Variants in COBL observed in about 807,000 individuals in gnomAD.
COBL encodes cordon-bleu WH2 repeat protein.
A neutral mutation model predicts 98.8 loss-of-function variants in COBL; 51 were observed. The observed-to-expected ratio is 0.52, with a 90% CI of 0.41 to 0.65. COBL has a LOEUF of 0.65. COBL is among the 30% of genes least tolerant of loss of function. COBL has a pLI of 0.00. For synonymous variants in COBL, 634 were observed against 651.7 expected, an observed-to-expected ratio of 0.97 and a Z score of 0.41; for missense variants, 1,617 against 1,617.5, an observed-to-expected ratio of 1.00 and a Z score of 0.01.
At chr7:51,279,141 G>C (rs1375119190) in intron 1 of COBL, among the ~76,000 whole-genome samples, 1 of 152,220 alleles carries the variant, frequency 6.6e-6, no homozygotes, top group African/African-American at 2.4e-5. Flanking sequence ...GAGGCTGCCT[G>C]ACAAATGTAT....
Position 51,183,295 on chromosome 7 carries a change from C to T in COBL, c.783+807G>A, listed in dbSNP as rs1440760500. On this transcript the variant is annotated intron_variant, in intron 5 of 12. Coordinates refer to ENST00000265136, the MANE Select transcript of COBL (RefSeq NM_015198.5). ...CAAACTGAGCTAGTGGAATTAAAAC[C>T]TAACATTCACTGGAACAGTTTTGTC... is the stretch of plus-strand genomic sequence containing the variant. Among the ~76,000 whole-genome samples the T allele has an allele frequency of 3.3e-5, 5 of 152,142 alleles. No individual in the cohort carries two copies. The South Asian group carries it at 6.2e-4, about 19-fold the overall frequency.
At chr7:51,146,563 G>A (rs775791344) in intron 5 of COBL, among the ~76,000 whole-genome samples, 10 of 149,784 alleles carry the variant, frequency 6.7e-5, no homozygotes, top group South Asian at 4.2e-4. Flanking sequence ...GCCCCACTCC[G>A]TTCTCCCATT....
At chr7:51,201,167 G>A (rs886879205) in intron 2 of COBL, among the ~76,000 whole-genome samples, 3 of 150,596 alleles carry the variant, frequency 2.0e-5, no homozygotes, top group Non-Finnish European at 4.4e-5. Context: ...TTGAACCCAG[G>A]AGACAGAGAT....
chr7:51,308,907 G>A (rs1032402358), intron 1 of COBL, among the ~76,000 whole-genome samples: 6 of 152,212 alleles, frequency 3.9e-5, no homozygotes, highest in African/African-American at 7.2e-5. Context: ...CAGTCTAAAC[G>A]TCACTTCCTC....
rs191887916 is a variant in COBL at position 51,300,366 on chromosome 7, G to T, written c.41+16227C>A. Among the ~76,000 whole-genome samples the T allele has an allele frequency of 2.2e-4, 33 of 152,192 alleles. 1 individual carries two copies. Among genetic ancestry groups the T allele is most frequent in the African/African-American group, 7.0e-4 (29 of 41,528 alleles). On this transcript the variant is annotated intron_variant, in intron 1 of 12. Transcript: ENST00000265136. ...AGTAGCGATGGGGTTTCACCATGTT[G>T]GCCAGGCTGGTCTCAAACTCCTGAC...
rs568433366 is a variant in COBL at position 51,146,578 on chromosome 7, T to C, written c.784-10247A>G. 8.8e-5 allele frequency among the ~76,000 whole-genome samples: 13 copies of C among 147,302 alleles called. 1 individual carries two copies. Among genetic ancestry groups the C allele is most frequent in the Non-Finnish European group, 3.0e-5 (2 of 67,548 alleles). ...GCCCCACTCCGTTCTCCCATTAAGA[T>C]ATTATCTCTTGTTGGAAATAAAAAG... On this transcript the variant is annotated intron_variant, in intron 5 of 12. Transcript: ENST00000265136.
rs746965445 is a variant in COBL, at chr7:51,028,004, G to T, written c.3092C>A (p.Ala1031Asp). 9 of 1,603,040 alleles carry T rather than the reference G, an allele frequency of 5.6e-6. No homozygotes were observed. The highest frequency in any genetic ancestry group is 5.1e-5 in the Admixed American group (3 of 59,360). The change falls in exon 10 of 13, where the codon GCC (alanine) becomes GAC (aspartate). Residue 1031 changes from alanine to aspartate, a missense_variant. Ala to Asp is a moderately radical substitution (Grantham distance 126). This residue lies in a region of COBL where 1,304 missense variants were observed against 1,282.0 expected (regional missense o/e 1.02). Coordinates refer to ENST00000265136, the MANE Select transcript of COBL (RefSeq NM_015198.5). ...PPPPHTSDTQ[A>D]CSRELVNGSV... The stretch of plus-strand genomic sequence containing the variant: ...GCCATTGACCAGCTCCCTGCTGCAG[G>T]CCTGAGTGTCAGATGTGTGTGGAGG...
chr7:51,241,119 T>C (rs1297758561), intron 1 of COBL, among the ~76,000 whole-genome samples: 1 of 152,086 alleles, frequency 6.6e-6, no homozygotes, highest in Non-Finnish European at 1.5e-5. Flanking sequence ...CAAACACGAG[T>C]GGGCACAGCA....
intron 1 of COBL, among the ~76,000 whole-genome samples, chr7:51,309,087 T>C (rs1190569082): frequency 6.6e-6 from 1 of 152,130 alleles, no homozygotes; most frequent in Non-Finnish European, 1.5e-5. Context: ...ATCTGCACAC[T>C]TTAACACCTA....
chr7:51,067,568 C>G (rs1369924954), intron 7 of COBL, among the ~76,000 whole-genome samples: 1 of 152,160 alleles, frequency 6.6e-6, no homozygotes, highest in East Asian at 1.9e-4. Context: ...ACACACACAT[C>G]CCTTTTTAGA....
chr7:51,265,306 G>A (rs973287661), intron 1 of COBL, among the ~76,000 whole-genome samples: 1 of 152,184 alleles, frequency 6.6e-6, no homozygotes, highest in African/African-American at 2.4e-5. Flanking sequence ...CTGTGGAGAG[G>A]GGAGAACCAG....
chr7:51,138,218 C>T (rs1028957376), intron 5 of COBL, among the ~76,000 whole-genome samples: 1 of 152,196 alleles, frequency 6.6e-6, no homozygotes, highest in African/African-American at 2.4e-5. Flanking sequence ...ACCCAGAACA[C>T]TCGTCAATGC....
intron 6 of COBL, among the ~76,000 whole-genome samples, chr7:51,102,551 C>T (rs1795899526): frequency 6.6e-6 from 1 of 152,142 alleles, no homozygotes; most frequent in Non-Finnish European, 1.5e-5. Flanking sequence ...GTGTGTTTAT[C>T]TTCCATGTCC....
intron 6 of COBL, among the ~76,000 whole-genome samples, chr7:51,128,942 A>C (rs4948194): frequency 6.6e-6 from 1 of 152,042 alleles, no homozygotes; most frequent in Non-Finnish European, 1.5e-5. Flanking sequence ...GGGAAATAAG[A>C]TCGTTCTCTA....
At position 51,105,668 on chromosome 7, in the gene COBL, T is replaced by C. The variant is rs144708369; in HGVS notation, c.958-20364A>G. On this transcript the variant is annotated intron_variant, in intron 6 of 12. Transcript: ENST00000265136. Reference sequence around the variant, plus strand: ...CAGGAGGCTGAGGCAGGAGGATTGATTGAGCCCAGTAGTTCGAGGCTGCAG... The same window carrying C: ...CAGGAGGCTGAGGCAGGAGGATTGACTGAGCCCAGTAGTTCGAGGCTGCAG... 1.2e-4 allele frequency among the ~76,000 whole-genome samples: 18 copies of C among 152,070 alleles called. 1 individual carries two copies. In the East Asian group the frequency reaches 3.1e-3, roughly 26 times the overall value.
At chr7:51,249,070 AC>A (rs746460054) in intron 1 of COBL, among the ~76,000 whole-genome samples, 50 of 152,318 alleles carry the variant, frequency 3.3e-4, no homozygotes, top group Non-Finnish European at 6.2e-4. Flanking sequence ...CTGCATATAT[AC>A]CTATTAAATA....
intron 12 of COBL, chr7:51,022,533 C>T (rs1787040400): frequency 1.3e-5 from 2 of 152,224 alleles, no homozygotes; most frequent in African/African-American, 4.8e-5. Context: ...CTTTCTTTCT[C>T]ACAGCACAAC....
rs142638427 is a variant in COBL, at chr7:51,233,920, C to G, written c.42-13976G>C. On this transcript the variant is annotated intron_variant, in intron 1 of 12. Transcript: ENST00000265136. ...TTATTTATTACCTCAAATGTAATCA[C>G]CTTACAATCTTATTTCTGCCTCTAT... is the stretch of plus-strand genomic sequence containing the variant. 1.5e-3 allele frequency among the ~76,000 whole-genome samples: 227 copies of G among 152,318 alleles called. 1 individual carries two copies. Among genetic ancestry groups the G allele is most frequent in the African/African-American group, 3.6e-3 (150 of 41,578 alleles).
intron 5 of COBL, among the ~76,000 whole-genome samples, chr7:51,176,635 T>G (rs1343930518): frequency 6.6e-6 from 1 of 152,196 alleles, no homozygotes; most frequent in East Asian, 1.9e-4. Flanking sequence ...GAAATGTAAA[T>G]TTGCTACCTT....
Sources: gnomAD v4.1 joint callset for allele counts (sites outside exome capture counted in the v4.1 genomes callset) on GRCh38, gnomAD v4.1.1 for gene constraint, gnomAD v4.1.1 regional missense constraint, MANE v1.5 for transcripts, NCBI Gene and HGNC (gene_info 2026-07-23, HGNC 2026-07-21) for gene names.